Variants in USP20 observed in about 807,000 individuals in gnomAD.
USP20 encodes the protein ubiquitin carboxyl-terminal hydrolase 20.
USP20 carries 80 observed loss-of-function variants against 124.2 expected under a neutral mutation model. The ratio of observed to expected loss-of-function variants is 0.64; its 90% CI spans 0.54 to 0.78. USP20 has a LOEUF of 0.78. USP20 is among the 30% of genes least tolerant of loss of function. The pLI is 0.00. For synonymous variants in USP20, 481 were observed against 512.3 expected (o/e 0.94, Z 0.83); for missense variants, 1,043 against 1,244.4 (o/e 0.84, Z 2.44).
chr9:129,837,626 A>T (rs1053986092), intron 1 of USP20, among the ~76,000 whole-genome samples: 1 of 152,244 alleles, frequency 6.6e-6, no homozygotes, highest in African/African-American at 2.4e-5. Context: ...ATGTTCTCAC[A>T]GTAAAGTATG....
chr9:129,854,149 G>C (rs1203341713), intron 3 of USP20, among the ~76,000 whole-genome samples: 2 of 152,192 alleles, frequency 1.3e-5, no homozygotes, highest in Non-Finnish European at 1.5e-5. Flanking sequence ...GAAAGAGACT[G>C]ATCCCATTCA....
At chr9:129,871,831 C>T (rs2034143499) in intron 15 of USP20, among the ~76,000 whole-genome samples, 1 of 152,172 alleles carries the variant, frequency 6.6e-6, no homozygotes, top group East Asian at 1.9e-4. Flanking sequence ...ATTCTCCTGC[C>T]TCAGCCTCCC....
At chr9:129,880,354 C>T (rs2034591401) in intron 25 of USP20, 65 bp downstream of exon 25, 8 of 1,475,428 alleles carry the variant, frequency 5.4e-6, no homozygotes, top group South Asian at 1.3e-5. Flanking sequence ...CAGAGACCCT[C>T]ACATGTCCTT....
At chr9:129,841,910 T>C (rs951915338) in intron 1 of USP20, among the ~76,000 whole-genome samples, 2 of 152,156 alleles carry the variant, frequency 1.3e-5, no homozygotes, top group African/African-American at 4.8e-5. Flanking sequence ...CCCTGAGTGG[T>C]CTCATGGAGG....
At chr9:129,842,417 A>C (rs1004638043) in intron 1 of USP20, among the ~76,000 whole-genome samples, 7 of 152,102 alleles carry the variant, frequency 4.6e-5, no homozygotes, top group Admixed American at 3.3e-4. Context: ...TGTACACTAC[A>C]AGAGCAGGGC....
At chr9:129,871,062 T>C (rs961148929) in intron 15 of USP20, among the ~76,000 whole-genome samples, 3 of 152,164 alleles carry the variant, frequency 2.0e-5, no homozygotes, top group Non-Finnish European at 4.4e-5. Flanking sequence ...TAACAGAAAG[T>C]GCACAGTCGA....
chr9:129,878,050 T>C (rs2034481096), intron 22 of USP20, among the ~76,000 whole-genome samples: 1 of 152,126 alleles, frequency 6.6e-6, no homozygotes. Flanking sequence ...CCAGCCTGGG[T>C]GACAGAGTGA....
In USP20 at chr9:129,880,626, A is replaced by C; in HGVS notation, c.*176A>C. On this transcript the variant is annotated 3_prime_UTR_variant, in exon 26 of 26. Coordinates refer to ENST00000372429, the MANE Select transcript of USP20 (RefSeq NM_001110303.4). ...CTTCAGGCTTGTTGAAACGACCAAG[A>C]CTCTGTGACGTTAATTTGGGTCTTT... 1 of 217,768 alleles carries C rather than the reference A, an allele frequency of 4.6e-6. No homozygotes were observed. The highest frequency in any genetic ancestry group is 9.4e-6 in the Non-Finnish European group (1 of 106,464). The allele number at this position is 217,768 out of a possible 1,614,324, so 13.5% of individuals were successfully genotyped here. A position where few individuals can be genotyped will look rare whatever the true frequency, so the allele number is the denominator to read the frequency against.
In USP20 at chr9:129,874,620, C is replaced by G. The variant is rs1451783528; in HGVS notation, c.1785C>G (p.Tyr595Ter). 2.5e-6 allele frequency: 4 copies of G among 1,613,846 alleles called. No individual in the cohort carries two copies. Among genetic ancestry groups the G allele is most frequent in the Non-Finnish European group, 3.4e-6 (4 of 1,180,020 alleles). Reference sequence around the variant, plus strand: ...AGCGCTTTCGGCACGAGGTGATGTACTCATTCAAGATCAACAGCCACGTCT... The same window carrying G: ...AGCGCTTTCGGCACGAGGTGATGTAGTCATTCAAGATCAACAGCCACGTCT... ...HLKRFRHEVM[Y>*]SFKINSHVSF... The change falls in exon 18 of 26, where the codon TAC (tyrosine) becomes TAG (stop). Residue 595 changes from tyrosine (Y) to a stop codon, truncating the protein, a stop_gained. Transcript: ENST00000372429. LOFTEE classifies it high-confidence loss of function.
chr9:129,846,248 T>TATATATATATG (rs1491285186), intron 1 of USP20, among the ~76,000 whole-genome samples: 1 of 40,608 alleles, frequency 2.5e-5, no homozygotes, highest in East Asian at 1.6e-3. Context: ...TATATATATA[T>TATATATATATG]TTTTTTTTTT....
At chr9:129,846,247 A>ATATATATATGTATTTTTTTTTTTTTTTT (rs1554742656) in intron 1 of USP20, among the ~76,000 whole-genome samples, 1 of 32,664 alleles carries the variant, frequency 3.1e-5, no homozygotes, top group Non-Finnish European at 5.2e-5. Flanking sequence ...ATATATATAT[A>ATATATATATGTATTTTTTTTTTTTTTTT]TTTTTTTTTT....
chr9:129,874,642 G>A lies in USP20; in HGVS notation c.1807G>A (p.Val603Ile), dbSNP rs1424438236. The A allele has an allele frequency of 3.1e-6, 5 of 1,613,882 alleles. No homozygotes were observed. Among genetic ancestry groups the A allele is most frequent in the East Asian group, 4.5e-5 (2 of 44,868 alleles). The change falls in exon 18 of 26, where the codon GTC becomes ATC. Residue 603 changes from valine to isoleucine, a missense_variant. Val to Ile is a conservative substitution (Grantham distance 29). Coordinates refer to ENST00000372429, the MANE Select transcript of USP20 (RefSeq NM_001110303.4). ...VMYSFKINSH[V>I]SFPLEGLDLR... ...GTACTCATTCAAGATCAACAGCCAC[G>A]TCTCCTTCCCCCTCGAGGGGCTCGA...
Position 129,858,033 on chromosome 9 carries a change from C to G in USP20, c.136-17C>G, listed in dbSNP as rs59910190. On this transcript the variant is annotated splice_polypyrimidine_tract_variant and intron_variant, in intron 4 of 25. Transcript: ENST00000372429. ...TTTTGGCAAGCTCCAGTCCACTCTCCTTCCCTCTCTTCCCAGGTTGCCTGC... is the reference window on the plus strand; with the variant it reads ...TTTTGGCAAGCTCCAGTCCACTCTCGTTCCCTCTCTTCCCAGGTTGCCTGC... The G allele has an allele frequency of 3.4e-3, 5,545 of 1,612,322 alleles. 174 individuals are homozygous for G. In the African/African-American group the frequency reaches 0.065, roughly 19 times the overall value.
intron 14 of USP20, 39 bp downstream of exon 14, chr9:129,869,883 G>GC (rs5900871): frequency 0.9 from 1,452,050 of 1,605,246 alleles, 658,762 homozygotes; most frequent in East Asian, 1. Context: ...CATGGGCTGG[G>GC]CCTGTCCTGG....
chr9:129,852,742 C>G, intron 3 of USP20, 106 bp downstream of exon 3: 2 of 1,147,908 alleles, frequency 1.7e-6, no homozygotes, highest in Non-Finnish European at 2.5e-6. Flanking sequence ...CTGACAGTCT[C>G]TGCTCAGCTT....
chr9:129,848,154 G>A (rs1235381613), intron 1 of USP20, among the ~76,000 whole-genome samples: 1 of 152,112 alleles, frequency 6.6e-6, no homozygotes, highest in Non-Finnish European at 1.5e-5. Context: ...AAATTAGCTG[G>A]GCATGGTGGC....
intron 1 of USP20, among the ~76,000 whole-genome samples, chr9:129,840,796 G>A (rs1168605800): frequency 6.8e-6 from 1 of 147,630 alleles, no homozygotes; most frequent in Non-Finnish European, 1.5e-5. Flanking sequence ...TTGAGATAGG[G>A]TCTTGCTCTT....
intron 14 of USP20, 136 bp from the exon 15 acceptor site, chr9:129,870,317 C>T (rs1309826762): frequency 9.1e-6 from 8 of 880,540 alleles, no homozygotes; most frequent in East Asian, 2.6e-5. Context: ...TGCCCCGACC[C>T]GCCGTGCCCG....
chr9:129,871,337 G>C (rs1001124434), intron 15 of USP20, among the ~76,000 whole-genome samples: 2 of 1,346 alleles, frequency 1.5e-3, no homozygotes, highest in Non-Finnish European at 8.9e-3. Flanking sequence ...GTTGCAGCGT[G>C]TGTGTCGGAA....
Sources: gnomAD v4.1 joint callset for allele counts (sites outside exome capture counted in the v4.1 genomes callset) on GRCh38, gnomAD v4.1.1 for gene constraint, MANE v1.5 for transcripts, NCBI Gene and HGNC (gene_info 2026-07-23, HGNC 2026-07-21) for gene names.